KLF12: variants seen among roughly 807,000 people sequenced by gnomAD.
KLF12 encodes the protein Krueppel-like factor 12.
KLF12 carries 9 observed loss-of-function variants against 37.8 expected under a neutral mutation model. The ratio of observed to expected loss-of-function variants is 0.24; its 90% CI spans 0.14 to 0.42. The LOEUF (loss-of-function observed/expected upper bound fraction) is 0.42, where lower values mean the gene tolerates loss of function less well. Ranked by LOEUF, KLF12 falls within the 10% of genes least tolerant of loss-of-function variation. The probability of loss-of-function intolerance (pLI) is 1.00; values close to 1 mark genes in which losing one functional copy is unlikely to be tolerated. For synonymous variants in KLF12, 208 were observed against 202.1 expected (o/e 1.03, Z -0.25); for missense variants, 411 against 516.0 (o/e 0.80, Z 1.97).
chr13:73,989,650 G>A (rs1242678081), intron 2 of KLF12, among the ~76,000 whole-genome samples: 1 of 152,136 alleles, frequency 6.6e-6, no homozygotes, highest in East Asian at 1.9e-4. Context: ...TCAAAGATTT[G>A]CACTCACTAG....
the KLF12 span, among the ~76,000 whole-genome samples, chr13:74,194,361 C>T: frequency 4.6e-5 from 7 of 152,268 alleles, no homozygotes; most frequent in East Asian, 1.4e-3. Context: ...ATACCTGAGA[C>T]TGGGTAATTT....
intron 6 of KLF12, among the ~76,000 whole-genome samples, chr13:73,725,348 C>T (rs1238505948): frequency 6.6e-6 from 1 of 152,182 alleles, no homozygotes; most frequent in Non-Finnish European, 1.5e-5. Flanking sequence ...GATCTGCCTG[C>T]CTTGGCCTCC....
intron 1 of KLF12, among the ~76,000 whole-genome samples, chr13:74,062,673 T>C (rs1427055857): frequency 2.6e-5 from 4 of 152,232 alleles, no homozygotes; most frequent in Admixed American, 2.6e-4. Context: ...AATATGCTGA[T>C]AAATTATCTA....
intron 1 of KLF12, among the ~76,000 whole-genome samples, chr13:74,073,440 A>G (rs1874390774): frequency 6.6e-6 from 1 of 152,194 alleles, no homozygotes; most frequent in African/African-American, 2.4e-5. Flanking sequence ...AATCCTGCTC[A>G]ATGCTGCTTA....
At chr13:74,235,936 T>TTTATA in the KLF12 span, among the ~76,000 whole-genome samples, 1 of 151,286 alleles carries the variant, frequency 6.6e-6, no homozygotes, top group East Asian at 1.9e-4. Context: ...TTAGTTTATT[T>TTTATA]TTTTTATTTT....
At chr13:73,722,217 GGAAT>G (rs1227715144) in intron 6 of KLF12, among the ~76,000 whole-genome samples, 2 of 152,044 alleles carry the variant, frequency 1.3e-5, no homozygotes, top group African/African-American at 2.4e-5. Context: ...CACCACCCTG[GGAAT>G]GAATCATCAA....
chr13:73,892,139 C>T (rs567475787), intron 3 of KLF12, among the ~76,000 whole-genome samples: 3 of 152,096 alleles, frequency 2.0e-5, no homozygotes, highest in Non-Finnish European at 2.9e-5. Flanking sequence ...TAGATTTGGG[C>T]ATTTTAAGAA....
chr13:73,921,535 T>C (rs1256901224), intron 3 of KLF12, among the ~76,000 whole-genome samples: 1 of 152,182 alleles, frequency 6.6e-6, no homozygotes, highest in East Asian at 1.9e-4. Flanking sequence ...ACATAGGCAC[T>C]TACATATTCC....
At chr13:74,134,354 T>C (rs983028921), upstream of KLF12, among the ~76,000 whole-genome samples, 2 of 150,716 alleles carry the variant, frequency 1.3e-5, no homozygotes, top group African/African-American at 2.4e-5. Flanking sequence ...TGCCATAAAA[T>C]GGGGCCCCCG....
chr13:74,072,777 A>C (rs1041813712), intron 1 of KLF12, among the ~76,000 whole-genome samples: 1 of 152,146 alleles, frequency 6.6e-6, no homozygotes, highest in African/African-American at 2.4e-5. Context: ...GTAAGCTACA[A>C]TTTTTGAAAC....
At chr13:74,304,507 T>C in the KLF12 span, among the ~76,000 whole-genome samples, 2 of 152,096 alleles carry the variant, frequency 1.3e-5, no homozygotes, top group African/African-American at 2.4e-5. Flanking sequence ...TGGGTAAAAA[T>C]GGAAAATGAG....
intron 1 of KLF12, among the ~76,000 whole-genome samples, chr13:74,028,838 A>AG (rs1221764108): frequency 1.5e-3 from 6 of 4,040 alleles, no homozygotes; most frequent in African/African-American, 1.6e-3. Flanking sequence ...AAGAATTTTC[A>AG]ATTTTTTTAA....
intron 1 of KLF12, among the ~76,000 whole-genome samples, chr13:74,033,873 G>A (rs965478689): frequency 2.7e-5 from 4 of 150,730 alleles, no homozygotes; most frequent in Non-Finnish European, 2.9e-5. Flanking sequence ...ACATTCACAC[G>A]TTTCATCAGT....
chr13:73,940,075 G>A (rs1259153639), intron 3 of KLF12, among the ~76,000 whole-genome samples: 1 of 152,098 alleles, frequency 6.6e-6, no homozygotes, highest in African/African-American at 2.4e-5. Flanking sequence ...AAATCACATA[G>A]TATATCTCTG....
chr13:74,051,899 A>C (rs946387852), intron 1 of KLF12, among the ~76,000 whole-genome samples: 1 of 152,210 alleles, frequency 6.6e-6, no homozygotes, highest in Middle Eastern at 3.2e-3. Flanking sequence ...TGTTCTCCAC[A>C]AAGAAATTAT....
At chr13:74,297,762 A>G in the KLF12 span, among the ~76,000 whole-genome samples, 1 of 152,204 alleles carries the variant, frequency 6.6e-6, no homozygotes, top group African/African-American at 2.4e-5. Context: ...AAAATTTAAA[A>G]TCGAATACAT....
At position 73,792,499 on chromosome 13, in the gene KLF12, AT is replaced by A. The variant is rs1881746664; in HGVS notation, c.806+20652del. On this transcript the variant is annotated intron_variant, in intron 5 of 7. Transcript: ENST00000377669. ...AAAAAGTAAGAGTCTTTAGCAGGCC[AT>A]TTTGCAGTCTCAGAATCCTCTTCAC... Among the ~76,000 whole-genome samples, 3 of 152,156 alleles carry A rather than the reference AT, an allele frequency of 2.0e-5. 1 individual carries two copies. The South Asian group carries it at 6.2e-4, about 32-fold the overall frequency.
intron 6 of KLF12, among the ~76,000 whole-genome samples, chr13:73,742,560 T>G (rs1403706672): frequency 6.6e-6 from 1 of 152,188 alleles, no homozygotes; most frequent in Non-Finnish European, 1.5e-5. Flanking sequence ...GCATTATCAT[T>G]CCCATTTTAC....
At chr13:73,924,923 CT>C (rs1242129020) in intron 3 of KLF12, among the ~76,000 whole-genome samples, 2 of 152,222 alleles carry the variant, frequency 1.3e-5, no homozygotes, top group Non-Finnish European at 2.9e-5. Context: ...ACAACATTCC[CT>C]TGAGCCAAGG....
Sources: gnomAD v4.1 joint callset for allele counts (sites outside exome capture counted in the v4.1 genomes callset) on GRCh38, gnomAD v4.1.1 for gene constraint, MANE v1.5 for transcripts, NCBI Gene and HGNC (gene_info 2026-07-23, HGNC 2026-07-21) for gene names.